The following SPOCK1 variants were observed in gnomAD, a reference collection of about 807,000 sequenced individuals.
SPOCK1 encodes testican-1.
SPOCK1 carries 23 observed loss-of-function variants against 55.3 expected under a neutral mutation model. The ratio of observed to expected loss-of-function variants is 0.42; its 90% confidence interval spans 0.30 to 0.59. SPOCK1 has a LOEUF of 0.59. Among genes scored for constraint, SPOCK1 ranks in the 20% least tolerant of loss-of-function variants. The probability of loss-of-function intolerance (pLI) is 0.22; values close to 1 mark genes in which losing one functional copy is unlikely to be tolerated. For synonymous variants in SPOCK1, 226 were observed against 221.0 expected, an observed-to-expected ratio of 1.02 and a Z score of -0.20; for missense variants, 499 against 552.5, an observed-to-expected ratio of 0.90 and a Z score of 0.97.
intron 6 of SPOCK1, among the ~76,000 whole-genome samples, chr5:137,042,592 T>C (rs1051653262): frequency 6.6e-6 from 1 of 152,090 alleles, no homozygotes; most frequent in East Asian, 1.9e-4. Flanking sequence ...AAACAGCCTA[T>C]ACATAAGCAC....
chr5:137,470,163 C>T (rs1443442559), intron 2 of SPOCK1, among the ~76,000 whole-genome samples: 3 of 152,178 alleles, frequency 2.0e-5, no homozygotes. Context: ...TTTCCATCCA[C>T]AATGAAATGT....
chr5:137,011,469 G>A (rs1477251849), intron 6 of SPOCK1, among the ~76,000 whole-genome samples: 2 of 152,154 alleles, frequency 1.3e-5, no homozygotes, highest in Non-Finnish European at 2.9e-5. Flanking sequence ...CAATTCCACT[G>A]TGACTCTTCA....
chr5:137,128,887 T>A (rs766492248), intron 4 of SPOCK1, among the ~76,000 whole-genome samples: 1 of 152,228 alleles, frequency 6.6e-6, no homozygotes, highest in Non-Finnish European at 1.5e-5. Context: ...TTATACACAT[T>A]CACATTCTTA....
chr5:136,984,288 CCATTTCCTTCTCTATT>C (rs140859614), intron 9 of SPOCK1, among the ~76,000 whole-genome samples: 3,038 of 152,228 alleles, frequency 0.02, 49 homozygotes, highest in Middle Eastern at 0.12. Flanking sequence ...GAAAACTTGC[CCATTTCCTTCTCTATT>C]CATTTCCTTC....
chr5:137,371,476 A>G (rs1283909962), intron 2 of SPOCK1, among the ~76,000 whole-genome samples: 1 of 152,202 alleles, frequency 6.6e-6, no homozygotes, highest in Non-Finnish European at 1.5e-5. Context: ...TTGGTAAATA[A>G]ATAAGCCTCT....
intron 3 of SPOCK1, among the ~76,000 whole-genome samples, chr5:137,236,311 T>G (rs1193654188): frequency 3.3e-5 from 5 of 152,236 alleles, no homozygotes; most frequent in Non-Finnish European, 7.3e-5. Context: ...TCTGCCGGCA[T>G]GCACACCAGG....
At chr5:137,280,220 A>T (rs765158716) in intron 2 of SPOCK1, among the ~76,000 whole-genome samples, 102 of 130,982 alleles carry the variant, frequency 7.8e-4, no homozygotes, top group Non-Finnish European at 1.3e-3. Context: ...TTTATATGAT[A>T]AAAAAAATAC....
At chr5:137,298,246 G>A (rs1382123878) in intron 2 of SPOCK1, among the ~76,000 whole-genome samples, 1 of 152,172 alleles carries the variant, frequency 6.6e-6, no homozygotes, top group Non-Finnish European at 1.5e-5. Context: ...AGGTTCTCTT[G>A]CTTTGGATAC....
chr5:137,065,430 T>TCTTAGAAC (rs1752488050), intron 6 of SPOCK1, among the ~76,000 whole-genome samples: 1 of 152,070 alleles, frequency 6.6e-6, no homozygotes, highest in Non-Finnish European at 1.5e-5. Context: ...TGAAGGACAG[T>TCTTAGAAC]CTTAGAACCT....
At chr5:137,356,873 A>AGATAGT (rs1750828770) in intron 2 of SPOCK1, among the ~76,000 whole-genome samples, 1 of 69,824 alleles carries the variant, frequency 1.4e-5, no homozygotes, top group Non-Finnish European at 2.7e-5. Flanking sequence ...AGAGAGAGAG[A>AGATAGT]GAGTATGCAG....
chr5:137,488,395 C>T (rs1192699552), intron 2 of SPOCK1, among the ~76,000 whole-genome samples: 1 of 152,128 alleles, frequency 6.6e-6, no homozygotes, highest in African/African-American at 2.4e-5. Context: ...AAAGAATCAC[C>T]TGGACTGCTC....
chr5:136,977,842 A>G lies in SPOCK1; in HGVS notation c.*812T>C. ...GAGCCAACTGTTAGTGCAAAAAAGGACTTTAATACAAATTTCTTATTCCAG... is the reference window on the plus strand; with the variant it reads ...GAGCCAACTGTTAGTGCAAAAAAGGGCTTTAATACAAATTTCTTATTCCAG... On this transcript the variant is annotated 3_prime_UTR_variant, in exon 11 of 11. Coordinates refer to ENST00000394945, the MANE Select transcript of SPOCK1 (RefSeq NM_004598.4). The G allele has an allele frequency of 2.5e-6, 1 of 398,886 alleles. No individual in the cohort carries two copies. Among genetic ancestry groups the G allele is most frequent in the Non-Finnish European group, 4.4e-6 (1 of 226,040 alleles). 24.7% of individuals were successfully genotyped at this position (398,886 alleles called of 1,614,324 possible).
intron 6 of SPOCK1, among the ~76,000 whole-genome samples, chr5:137,014,346 C>G (rs1751409957): frequency 6.6e-6 from 1 of 152,096 alleles, no homozygotes; most frequent in Admixed American, 6.6e-5. Context: ...TATAAATTAC[C>G]CAGTCTCAGA....
chr5:137,063,218 C>A (rs1189834019), intron 6 of SPOCK1, among the ~76,000 whole-genome samples: 1 of 134,562 alleles, frequency 7.4e-6, no homozygotes, highest in Admixed American at 8.2e-5. Context: ...CCGGCCTGGG[C>A]GACAGAGCGA....
chr5:137,382,358 T>C lies in SPOCK1; in HGVS notation c.187-115303A>G, dbSNP rs1165287318. 2.6e-5 allele frequency among the ~76,000 whole-genome samples: 4 copies of C among 152,350 alleles called. No individual in the cohort carries two copies. In the East Asian group the frequency reaches 5.8e-4, roughly 22 times the overall value. Reference sequence around the variant, plus strand: ...TCCAAACTCTTCCAACCTCTGCCTGTTACCCAGTTACAAAGATGCTTCCAC... The same window carrying C: ...TCCAAACTCTTCCAACCTCTGCCTGCTACCCAGTTACAAAGATGCTTCCAC... On this transcript the variant is annotated intron_variant, in intron 2 of 10. Transcript: ENST00000394945.
intron 2 of SPOCK1, among the ~76,000 whole-genome samples, chr5:137,426,107 G>T (rs1752604934): frequency 6.6e-6 from 1 of 152,244 alleles, no homozygotes; most frequent in African/African-American, 2.4e-5. Context: ...TTGAAGGATT[G>T]CTATAGTTTT....
chr5:137,446,862 G>A (rs1284729231), intron 2 of SPOCK1, among the ~76,000 whole-genome samples: 2 of 152,068 alleles, frequency 1.3e-5, no homozygotes, highest in Admixed American at 6.5e-5. Context: ...GTTTCTATGC[G>A]TTTGACTACT....
At chr5:137,234,544 G>C (rs1434635) in intron 3 of SPOCK1, among the ~76,000 whole-genome samples, 131,480 of 152,286 alleles carry the variant, frequency 0.86, 56,841 homozygotes, top group African/African-American at 0.91. Context: ...AAGTCTATAC[G>C]ATCTTGTCCA....
Position 137,352,648 on chromosome 5 carries a change from G to T in SPOCK1, c.187-85593C>A, listed in dbSNP as rs148938645. Among the ~76,000 whole-genome samples, 923 of 152,256 alleles carry T rather than the reference G, an allele frequency of 6.1e-3. 13 individuals carry two copies. The highest frequency in any genetic ancestry group is 0.021 in the African/African-American group (884 of 41,552). ...GGAGGAAAAGACGAGGAAGAAGGAG[G>T]GAGGAGTGGAGGGAGAAGAAAGGTG... On this transcript the variant is annotated intron_variant, in intron 2 of 10. Coordinates refer to ENST00000394945, the MANE Select transcript of SPOCK1 (RefSeq NM_004598.4).
Sources: gnomAD v4.1 joint callset for allele counts (sites outside exome capture counted in the v4.1 genomes callset) on GRCh38, gnomAD v4.1.1 for gene constraint, MANE v1.5 for transcripts, NCBI Gene and HGNC (gene_info 2026-07-23, HGNC 2026-07-21) for gene names.